PCDHGB5: variants seen among roughly 807,000 people sequenced by gnomAD.
PCDHGB5 encodes the protein protocadherin gamma-B5.
PCDHGB5 carries 48 observed loss-of-function variants against 62.9 expected under a neutral mutation model. The ratio of observed to expected loss-of-function variants is 0.76; its 90% CI spans 0.61 to 0.97. The LOEUF is 0.97. Among genes scored for constraint, PCDHGB5 ranks in the 50% least tolerant of loss-of-function variants. PCDHGB5 has a pLI of 0.00. For synonymous variants in PCDHGB5, 474 were observed against 511.2 expected, an observed-to-expected ratio of 0.93 and a Z score of 0.98; for missense variants, 1,118 against 1,198.6, an observed-to-expected ratio of 0.93 and a Z score of 0.99.
intron 1 of PCDHGB5, chr5:141,409,801 G>A: frequency 1.2e-6 from 2 of 1,611,946 alleles, no homozygotes; most frequent in South Asian, 2.2e-5. Context: ...TCACGCTGCA[G>A]GCCCGCGACC....
chr5:141,503,164 C>G (rs1262310388), intron 2 of PCDHGB5, among the ~76,000 whole-genome samples: 2 of 152,068 alleles, frequency 1.3e-5, no homozygotes, highest in East Asian at 3.9e-4. Flanking sequence ...ATCACAATTG[C>G]AATTACTCTA....
At chr5:141,404,855 A>G (rs370062374) in intron 1 of PCDHGB5, 13 of 1,613,704 alleles carry the variant, frequency 8.1e-6, no homozygotes, top group African/African-American at 2.7e-5. Flanking sequence ...CCTGCTAGAT[A>G]GAGATGCGCT....
rs1020690994 is a variant in PCDHGB5 at position 141,398,829 on chromosome 5, C to G, written c.702C>G (p.Asp234Glu). The G allele has an allele frequency of 1.2e-6, 2 of 1,613,876 alleles. No individual in the cohort carries two copies. The highest frequency in any genetic ancestry group is 1.3e-5 in the African/African-American group (1 of 74,942). The change falls in exon 1 of 4, where the codon GAC (aspartate) becomes GAG (glutamate). Residue 234 changes from aspartate to glutamate, a missense_variant. Transcript: ENST00000617380. ...CTGAGCTCCGGATCCAGGTAACCGACGCCAATGATAATCCCCCGGTATTCA... is the reference window on the plus strand; with the variant it reads ...CTGAGCTCCGGATCCAGGTAACCGAGGCCAATGATAATCCCCCGGTATTCA... ...GTTELRIQVT[D>E]ANDNPPVFNR...
rs1036126623 is a variant in PCDHGB5 at position 141,410,753 on chromosome 5, T to C, written c.2397+10229T>C. The stretch of plus-strand genomic sequence containing the variant: ...AGCTTTTTACAATATTTTCTCAATG[T>C]TTTTTCAATTATAGTTTTCACTATG... On this transcript the variant is annotated intron_variant, in intron 1 of 3. Coordinates refer to ENST00000617380, the MANE Select transcript of PCDHGB5 (RefSeq NM_018925.3). 2.4e-6 allele frequency: 3 copies of C among 1,229,812 alleles called. No homozygotes were observed. In the Admixed American group the frequency reaches 8.8e-5, roughly 36 times the overall value. The allele number at this position is 1,229,812 out of a possible 1,614,324, so 76.2% of individuals were successfully genotyped here. A position where few individuals can be genotyped will look rare whatever the true frequency, so the allele number is the denominator to read the frequency against.
chr5:141,466,754 C>G (rs1045917268), intron 1 of PCDHGB5, among the ~76,000 whole-genome samples: 2 of 152,138 alleles, frequency 1.3e-5, no homozygotes, highest in South Asian at 2.1e-4. Context: ...GATAGGGGCT[C>G]TTTTCAAACT....
At chr5:141,408,156 T>G (rs1270401832) in intron 1 of PCDHGB5, 2 of 1,512,436 alleles carry the variant, frequency 1.3e-6, no homozygotes, top group East Asian at 2.5e-5. Flanking sequence ...TAGAGTGCAC[T>G]TTCTCCAACT....
chr5:141,439,368 A>C (rs1346879772), intron 1 of PCDHGB5, among the ~76,000 whole-genome samples: 1 of 152,192 alleles, frequency 6.6e-6, no homozygotes, highest in East Asian at 1.9e-4. Flanking sequence ...CATCAAGAAG[A>C]AATAAAAATA....
At chr5:141,509,163 C>T (rs561329093) in intron 3 of PCDHGB5, among the ~76,000 whole-genome samples, 1 of 152,204 alleles carries the variant, frequency 6.6e-6, no homozygotes, top group East Asian at 1.9e-4. Context: ...CTCCCGTGTG[C>T]CCTCCTCCTC....
chr5:141,400,541 T>C lies in PCDHGB5; in HGVS notation c.2397+17T>C. Reference sequence around the variant, plus strand: ...CCTGAGTTGGTGAGTTTCATTTATGTCTATTCTTTTTCATTACCCACCCAA... The same window carrying C: ...CCTGAGTTGGTGAGTTTCATTTATGCCTATTCTTTTTCATTACCCACCCAA... On this transcript the variant is annotated intron_variant, in intron 1 of 3. Transcript: ENST00000617380. 1 of 1,613,832 alleles carries C rather than the reference T, an allele frequency of 6.2e-7. No individual in the cohort carries two copies. Among genetic ancestry groups the C allele is most frequent in the Admixed American group, 1.7e-5 (1 of 60,002 alleles).
rs2099419063 is a variant in PCDHGB5 at position 141,477,824 on chromosome 5, C to G, written c.2398-16983C>G. On this transcript the variant is annotated intron_variant, in intron 1 of 3. Coordinates refer to ENST00000617380, the MANE Select transcript of PCDHGB5 (RefSeq NM_018925.3). This position sits in a 1 kb window ranked among gnomAD's most constrained non-coding sequence, Gnocchi z 4.9. ...TGACAATGCCCCCCAGGTCCTATAT[C>G]CTCGGCCAGGTGGGAGCTCGGTGGA... is the stretch of plus-strand genomic sequence containing the variant. 5.6e-6 allele frequency: 9 copies of G among 1,614,196 alleles called. No individual in the cohort carries two copies. The highest frequency in any genetic ancestry group is 5.9e-6 in the Non-Finnish European group (7 of 1,180,034).
chr5:141,499,275 C>T (rs1259707742), intron 2 of PCDHGB5, among the ~76,000 whole-genome samples: 1 of 152,178 alleles, frequency 6.6e-6, no homozygotes, highest in African/African-American at 2.4e-5. Flanking sequence ...CTAGACTGTT[C>T]TCTGATGGCT....
At chr5:141,510,682 G>C (rs1014890367) in intron 3 of PCDHGB5, among the ~76,000 whole-genome samples, 2 of 152,154 alleles carry the variant, frequency 1.3e-5, no homozygotes, top group Non-Finnish European at 2.9e-5. Context: ...GTGGCATAAG[G>C]AGGTTAGGTA....
intron 1 of PCDHGB5, chr5:141,419,070 T>G: frequency 6.2e-7 from 1 of 1,613,926 alleles, no homozygotes; most frequent in Non-Finnish European, 8.5e-7. Context: ...TACTACAAGC[T>G]AGTAACAGAT....
intron 1 of PCDHGB5, among the ~76,000 whole-genome samples, chr5:141,468,754 T>C (rs1205525962): frequency 6.6e-6 from 1 of 152,036 alleles, no homozygotes; most frequent in Admixed American, 6.6e-5. Flanking sequence ...TAGTCCCAGC[T>C]ACTCGGGAGG....
Position 141,477,685 on chromosome 5 carries a change from G to A in PCDHGB5, c.2398-17122G>A, listed in dbSNP as rs1218415502. ...ACAATGGCATAGTGTCATCCTTAGT[G>A]CCCCTAGACTATGAGGATCGGCGGG... On this transcript the variant is annotated intron_variant, in intron 1 of 3. Transcript: ENST00000617380. This position sits in a 1 kb window ranked among gnomAD's most constrained non-coding sequence, Gnocchi z 4.9. The A allele has an allele frequency of 6.2e-7, 1 of 1,614,116 alleles. No individual in the cohort carries two copies. The highest frequency in any genetic ancestry group is 8.5e-7 in the Non-Finnish European group (1 of 1,180,040).
chr5:141,424,962 C>G (rs1018789700), intron 1 of PCDHGB5, among the ~76,000 whole-genome samples: 2 of 152,116 alleles, frequency 1.3e-5, no homozygotes, highest in Admixed American at 6.6e-5. Flanking sequence ...GTATTTGCCC[C>G]AAATTACTTG....
chr5:141,419,742 T>G (rs1388509503), intron 1 of PCDHGB5: 3 of 1,613,742 alleles, frequency 1.9e-6, no homozygotes, highest in Non-Finnish European at 2.5e-6. Flanking sequence ...GAGGTGCGCA[T>G]GGTGCGTGCT....
At chr5:141,484,454 G>T (rs932663778) in intron 1 of PCDHGB5, among the ~76,000 whole-genome samples, 2 of 152,212 alleles carry the variant, frequency 1.3e-5, no homozygotes, top group Non-Finnish European at 2.9e-5. Context: ...AATTGGCTAC[G>T]TTAATGTGTA....
chr5:141,500,433 T>A (rs1398344932), intron 2 of PCDHGB5, among the ~76,000 whole-genome samples: 17 of 151,882 alleles, frequency 1.1e-4, no homozygotes, highest in East Asian at 7.8e-4. Flanking sequence ...ATGGTCTCGA[T>A]CTCCTGACCT....
Sources: allele counts gnomAD v4.1 joint callset (sites outside exome capture counted in the v4.1 genomes callset), GRCh38; gene constraint gnomAD v4.1.1; non-coding constraint Gnocchi (gnomAD v3.1); transcripts MANE v1.5; gene names NCBI Gene and HGNC (gene_info 2026-07-23, HGNC 2026-07-21).